The following TRHDE variants were observed in gnomAD, a reference collection of about 807,000 sequenced individuals.
The protein encoded by TRHDE is thyrotropin-releasing hormone-degrading ectoenzyme.
In TRHDE, 72 loss-of-function variants were observed where a neutral mutation model predicts 125.7. That is an observed-to-expected ratio of 0.57 (90% CI 0.47 to 0.70). The LOEUF is 0.70. Ranked by LOEUF, TRHDE falls within the 30% of genes least tolerant of loss-of-function variation. The probability of loss-of-function intolerance (pLI) is 0.00; values close to 1 mark genes in which losing one functional copy is unlikely to be tolerated. For synonymous variants in TRHDE, 509 were observed against 509.1 expected (o/e 1.00, Z 0.00); for missense variants, 1,110 against 1,327.1 (o/e 0.84, Z 2.54).
chr12:72,627,279 A>G (rs11179291), intron 15 of TRHDE, among the ~76,000 whole-genome samples: 29,270 of 151,820 alleles, frequency 0.19, 5,932 homozygotes, highest in African/African-American at 0.52. Context: ...TCAATATAAA[A>G]CTTCAGGGCA....
chr12:72,104,136 G>C (rs1875128323), intron 1 of TRHDE, among the ~76,000 whole-genome samples: 1 of 152,120 alleles, frequency 6.6e-6, no homozygotes, highest in Admixed American at 6.5e-5. Flanking sequence ...GGTGTGGGGA[G>C]ATAAGCTTAC....
At chr12:72,201,374 A>C (rs1565661237) in intron 2 of TRHDE, among the ~76,000 whole-genome samples, 1 of 152,160 alleles carries the variant, frequency 6.6e-6, no homozygotes, top group Non-Finnish European at 1.5e-5. Flanking sequence ...AGAAAATTGG[A>C]ATAAGGAGAG....
intron 2 of TRHDE, among the ~76,000 whole-genome samples, chr12:72,107,224 C>T (rs562747184): frequency 8.9e-4 from 136 of 151,980 alleles, no homozygotes; most frequent in Non-Finnish European, 1.7e-3. Flanking sequence ...GGTGTAGTCC[C>T]TCAAAAATAT....
At chr12:72,368,974 A>G (rs1461860351) in intron 2 of TRHDE, among the ~76,000 whole-genome samples, 1 of 152,138 alleles carries the variant, frequency 6.6e-6, no homozygotes. Flanking sequence ...TCTTCCCAGC[A>G]TGTCCTGTAA....
At chr12:72,451,683 G>A (rs1875580874) in intron 3 of TRHDE, among the ~76,000 whole-genome samples, 2 of 152,148 alleles carry the variant, frequency 1.3e-5, no homozygotes, top group South Asian at 4.1e-4. Flanking sequence ...TGCAAAAAAT[G>A]TCATTTGACA....
rs144746308 is a variant in TRHDE, at chr12:72,260,540, C to G, written n.280-117455C>G. On this transcript the variant is annotated intron_variant and non_coding_transcript_variant, in intron 2 of 4. Coordinates refer to the TRHDE transcript ENST00000548156. ...GCAGTGAGCAAATTTAATGCCCAGTCTTGATTTATAAATGCATTTTTCCAC... is the reference window on the plus strand; with the variant it reads ...GCAGTGAGCAAATTTAATGCCCAGTGTTGATTTATAAATGCATTTTTCCAC... 9.2e-5 allele frequency among the ~76,000 whole-genome samples: 14 copies of G among 152,118 alleles called. No individual in the cohort carries two copies. The East Asian group carries it at 2.7e-3, about 29-fold the overall frequency.
intron 3 of TRHDE, among the ~76,000 whole-genome samples, chr12:72,410,339 T>C (rs867817096): frequency 9.2e-5 from 14 of 152,240 alleles, no homozygotes; most frequent in African/African-American, 3.4e-4. Context: ...AGTAAAATAA[T>C]TTTTATACAG....
chr12:72,422,285 C>T (rs371800862), intron 3 of TRHDE, among the ~76,000 whole-genome samples: 8 of 152,052 alleles, frequency 5.3e-5, no homozygotes, highest in African/African-American at 9.7e-5. Context: ...GTCAGAATCA[C>T]GCTGAAATGG....
chr12:72,180,492 G>C (rs1194976120), intron 2 of TRHDE, among the ~76,000 whole-genome samples: 1 of 151,936 alleles, frequency 6.6e-6, no homozygotes, highest in Admixed American at 6.6e-5. Context: ...GTTCCACCAG[G>C]CCCTTTTTCT....
intron 1 of TRHDE, among the ~76,000 whole-genome samples, chr12:72,102,219 A>C (rs1001098107): frequency 1.3e-5 from 2 of 152,076 alleles, no homozygotes; most frequent in Non-Finnish European, 2.9e-5. Flanking sequence ...GTGCCCTCCT[A>C]CTCTGCTGCC....
At position 72,273,424 on chromosome 12, in the gene TRHDE, G is replaced by C. The variant is rs1162417695; in HGVS notation, c.781G>C (p.Val261Leu). The C allele has an allele frequency of 6.2e-7, 1 of 1,614,162 alleles. No homozygotes were observed. The highest frequency in any genetic ancestry group is 1.3e-5 in the African/African-American group (1 of 75,044). ...AGFFLYPQTQ[V>L]LVVVLNRTLD... ...TTTTTTCCTCTACCCGCAAACCCAG[G>C]TCTTAGTGGTGGTGCTGAATAGGAC... Residue 261 changes from valine (V) to leucine (L), a missense_variant, in exon 1 of 19, where the codon GTC becomes CTC. Coordinates refer to ENST00000261180, the MANE Select transcript of TRHDE (RefSeq NM_013381.3). The surrounding 1 kb of genome is among the most constrained non-coding windows in gnomAD (Gnocchi z 5.3).
chr12:72,094,655 T>C (rs1374438484), intron 1 of TRHDE, among the ~76,000 whole-genome samples: 2 of 152,200 alleles, frequency 1.3e-5, no homozygotes, highest in Non-Finnish European at 2.9e-5. Context: ...GGTCGGCAGG[T>C]CTGTCATGCA....
At chr12:72,606,787 G>A (rs1565807992) in intron 12 of TRHDE, among the ~76,000 whole-genome samples, 2 of 152,068 alleles carry the variant, frequency 1.3e-5, no homozygotes, top group South Asian at 2.1e-4. Context: ...ATCAACAATT[G>A]TTTACTCATG....
chr12:72,649,860 T>G (rs1874433984), intron 15 of TRHDE, among the ~76,000 whole-genome samples: 1 of 151,818 alleles, frequency 6.6e-6, no homozygotes, highest in Non-Finnish European at 1.5e-5. Context: ...ATAGCTATTA[T>G]CAAAAAAAAC....
At chr12:72,470,507 A>G (rs1453955836) in intron 4 of TRHDE, among the ~76,000 whole-genome samples, 1 of 152,216 alleles carries the variant, frequency 6.6e-6, no homozygotes, top group Non-Finnish European at 1.5e-5. Flanking sequence ...TTTTGATTTT[A>G]TGCATTTTCT....
At chr12:72,382,149 T>A (rs1477053833) in intron 3 of TRHDE, among the ~76,000 whole-genome samples, 3 of 152,156 alleles carry the variant, frequency 2.0e-5, no homozygotes, top group Non-Finnish European at 4.4e-5. Flanking sequence ...TTGTGGTGTC[T>A]GAGACATCAA....
intron 2 of TRHDE, among the ~76,000 whole-genome samples, chr12:72,177,143 T>C (rs1176109681): frequency 6.6e-6 from 1 of 151,992 alleles, no homozygotes; most frequent in Non-Finnish European, 1.5e-5. Context: ...TTATTGGAAA[T>C]TGCTATAACT....
At position 72,227,780 on chromosome 12, in the gene TRHDE, A is replaced by G. The variant is rs139624948; in HGVS notation, n.279+122028A>G. On this transcript the variant is annotated intron_variant and non_coding_transcript_variant, in intron 2 of 4. Coordinates refer to the TRHDE transcript ENST00000548156. ...GGGGTACAGGCTTTGGGTAAATACA[A>G]CCATTCCAAATGTGACAAATTGGCC... 3.3e-4 allele frequency among the ~76,000 whole-genome samples: 50 copies of G among 152,268 alleles called. No individual in the cohort carries two copies. In the East Asian group the frequency reaches 8.5e-3, roughly 26 times the overall value.
chr12:72,487,791 A>G (rs561852797), intron 5 of TRHDE, among the ~76,000 whole-genome samples: 1 of 152,216 alleles, frequency 6.6e-6, no homozygotes, highest in African/African-American at 2.4e-5. Context: ...TTTAGTATGA[A>G]GGTTAAAAGT....
Sources: gnomAD v4.1 joint callset for allele counts (sites outside exome capture counted in the v4.1 genomes callset) on GRCh38, gnomAD v4.1.1 for gene constraint, Gnocchi (gnomAD v3.1) non-coding constraint, MANE v1.5 for transcripts, NCBI Gene and HGNC (gene_info 2026-07-23, HGNC 2026-07-21) for gene names.